Variants in GRID2 observed in about 807,000 individuals in gnomAD.
GRID2 encodes the protein glutamate receptor ionotropic, delta-2.
In GRID2, 33 loss-of-function variants were observed where a neutral mutation model predicts 114.8. The ratio of observed to expected loss-of-function variants is 0.29; its 90% CI spans 0.22 to 0.38. The LOEUF is 0.38. Ranked by LOEUF, GRID2 falls within the 10% of genes least tolerant of loss-of-function variation. GRID2 has a pLI of 1.00. For synonymous variants in GRID2, 505 were observed against 449.9 expected (o/e 1.12, Z -1.55); for missense variants, 1,184 against 1,257.7 (o/e 0.94, Z 0.89).
At chr4:92,923,452 A>C (rs1749529134) in intron 2 of GRID2, among the ~76,000 whole-genome samples, 1 of 152,194 alleles carries the variant, frequency 6.6e-6, no homozygotes, top group Non-Finnish European at 1.5e-5. Context: ...CAGATTTTTC[A>C]TAAAGATACA....
At chr4:93,276,676 A>G (rs1403005518) in intron 8 of GRID2, among the ~76,000 whole-genome samples, 7 of 151,960 alleles carry the variant, frequency 4.6e-5, no homozygotes, top group African/African-American at 1.7e-4. Context: ...TTTTGATACT[A>G]TTGTGAGTGA....
At chr4:93,234,822 A>C (rs547292564) in intron 7 of GRID2, among the ~76,000 whole-genome samples, 1 of 151,996 alleles carries the variant, frequency 6.6e-6, no homozygotes, top group South Asian at 2.1e-4. Context: ...CAGAGTATTC[A>C]CTGCCTTGCT....
chr4:93,307,629 A>C (rs1316758259), intron 8 of GRID2, among the ~76,000 whole-genome samples: 1 of 152,174 alleles, frequency 6.6e-6, no homozygotes, highest in South Asian at 2.1e-4. Context: ...ATATTTTGCA[A>C]ATAATAATTT....
intron 8 of GRID2, among the ~76,000 whole-genome samples, chr4:93,354,602 A>G (rs979998325): frequency 3.3e-5 from 5 of 151,208 alleles, no homozygotes; most frequent in Admixed American, 6.6e-5. Flanking sequence ...TTAAACACTT[A>G]ACGTGATTTT....
intron 8 of GRID2, among the ~76,000 whole-genome samples, chr4:93,348,269 C>T (rs1244096092): frequency 6.6e-6 from 1 of 152,110 alleles, no homozygotes; most frequent in Non-Finnish European, 1.5e-5. Context: ...TCACTTCATA[C>T]ACATGTTATT....
At chr4:92,775,231 A>G (rs1738733319) in intron 2 of GRID2, among the ~76,000 whole-genome samples, 1 of 152,180 alleles carries the variant, frequency 6.6e-6, no homozygotes, top group Non-Finnish European at 1.5e-5. Context: ...AGTTTGATTC[A>G]GTACCCTGGG....
chr4:93,325,182 A>G (rs920693590), intron 8 of GRID2, among the ~76,000 whole-genome samples: 7 of 152,174 alleles, frequency 4.6e-5, no homozygotes, highest in South Asian at 2.1e-4. Context: ...TGAGTGCTAT[A>G]AATTTCCTTC....
At chr4:93,255,904 C>A (rs887488896) in intron 8 of GRID2, among the ~76,000 whole-genome samples, 4 of 152,038 alleles carry the variant, frequency 2.6e-5, no homozygotes, top group Non-Finnish European at 5.9e-5. Flanking sequence ...TAAGTACAGA[C>A]AATCTCTATA....
intron 1 of GRID2, among the ~76,000 whole-genome samples, chr4:92,379,672 T>C (rs1579267293): frequency 6.6e-6 from 1 of 151,900 alleles, no homozygotes; most frequent in Non-Finnish European, 1.5e-5. Context: ...AGACTAAGGA[T>C]GTTAGGCCCC....
intron 1 of GRID2, among the ~76,000 whole-genome samples, chr4:92,350,913 T>C (rs1003329633): frequency 2.0e-5 from 3 of 151,846 alleles, no homozygotes; most frequent in African/African-American, 7.2e-5. Flanking sequence ...TTCATATAAA[T>C]GGAATCATAT....
intron 8 of GRID2, among the ~76,000 whole-genome samples, chr4:93,288,296 A>C (rs113631591): frequency 0.023 from 3,571 of 152,318 alleles, 138 homozygotes; most frequent in African/African-American, 0.08. Flanking sequence ...AAGTTCCAAA[A>C]TAATAATGTG....
intron 4 of GRID2, among the ~76,000 whole-genome samples, chr4:93,129,988 A>G (rs1466668418): frequency 5.3e-5 from 8 of 152,218 alleles, no homozygotes; most frequent in Admixed American, 5.2e-4. Context: ...CAAATTGACC[A>G]ATCTTTTCCC....
intron 9 of GRID2, among the ~76,000 whole-genome samples, chr4:93,414,221 C>T (rs1448381140): frequency 6.6e-6 from 1 of 152,128 alleles, no homozygotes; most frequent in Non-Finnish European, 1.5e-5. Context: ...TGATTTATTG[C>T]AAAAGGCTCC....
At chr4:92,662,434 A>C (rs1732565158) in intron 2 of GRID2, among the ~76,000 whole-genome samples, 1 of 151,062 alleles carries the variant, frequency 6.6e-6, no homozygotes, top group African/African-American at 2.4e-5. Flanking sequence ...AAAATTCAGG[A>C]AATGTATTTT....
chr4:92,401,819 C>G (rs190456110), intron 1 of GRID2, among the ~76,000 whole-genome samples: 2 of 152,116 alleles, frequency 1.3e-5, no homozygotes, highest in East Asian at 3.9e-4. Context: ...GTGGGAATTT[C>G]TTAGCATAAG....
chr4:92,822,362 C>A, intron 2 of GRID2: 1 of 619,278 alleles, frequency 1.6e-6, no homozygotes. Flanking sequence ...GACTGTGTGG[C>A]CAAAGTGGTT....
In GRID2 at chr4:92,653,103, A is replaced by G. The variant is rs183716833; in HGVS notation, c.244+62817A>G. ...AACCTCCACCTCCCAGGTTCAAGCA[A>G]TTCTCTGCCTCAGCCTCTCAAGTAG... On this transcript the variant is annotated intron_variant, in intron 2 of 15. Coordinates refer to ENST00000282020, the MANE Select transcript of GRID2 (RefSeq NM_001510.4). 2.0e-3 allele frequency among the ~76,000 whole-genome samples: 292 copies of G among 149,506 alleles called. 2 individuals carry two copies. Among genetic ancestry groups the G allele is most frequent in the Middle Eastern group, 0.01 (3 of 288 alleles).
At chr4:92,599,357 A>G (rs1729095471) in intron 2 of GRID2, among the ~76,000 whole-genome samples, 2 of 152,160 alleles carry the variant, frequency 1.3e-5, no homozygotes, top group African/African-American at 4.8e-5. Context: ...AGAGTGATAT[A>G]TATGAAGGTT....
At chr4:92,545,311 G>A (rs1056624513) in intron 1 of GRID2, among the ~76,000 whole-genome samples, 1 of 152,100 alleles carries the variant, frequency 6.6e-6, no homozygotes, top group South Asian at 2.1e-4. Flanking sequence ...TTATATTCTA[G>A]GTCCCCATGG....
Sources: allele counts gnomAD v4.1 joint callset (sites outside exome capture counted in the v4.1 genomes callset), GRCh38; gene constraint gnomAD v4.1.1; transcripts MANE v1.5; gene names NCBI Gene and HGNC (gene_info 2026-07-23, HGNC 2026-07-21).